Variants in RSU1 observed in about 807,000 individuals in gnomAD.
RSU1 encodes the protein Ras suppressor protein 1, also known as rsu-1.
Under a neutral mutation model 31.1 loss-of-function variants are expected in RSU1, and 26 were observed. The ratio of observed to expected loss-of-function variants is 0.84; its 90% CI spans 0.61 to 1.16. RSU1 has a LOEUF of 1.16. RSU1 is among the 50% of genes most tolerant of loss of function. The pLI is 0.00. For missense variants in RSU1, 320 were observed against 339.1 expected (o/e 0.94, Z 0.44); for synonymous variants, 164 against 136.3 (o/e 1.20, Z -1.41).
chr10:16,645,461 A>T (rs1163518516), intron 8 of RSU1, among the ~76,000 whole-genome samples: 1 of 152,186 alleles, frequency 6.6e-6, no homozygotes, highest in Non-Finnish European at 1.5e-5. Flanking sequence ...AATTTCTTTC[A>T]TGTATGCAAC....
At chr10:16,799,751 G>C (rs1042078432) in intron 2 of RSU1, among the ~76,000 whole-genome samples, 1 of 152,140 alleles carries the variant, frequency 6.6e-6, no homozygotes, top group Non-Finnish European at 1.5e-5. Context: ...GGCTACCTGG[G>C]ATTTACCAGA....
chr10:16,653,384 T>A (rs1175176173), intron 8 of RSU1, among the ~76,000 whole-genome samples: 1 of 152,184 alleles, frequency 6.6e-6, no homozygotes. Context: ...CACAAAACAA[T>A]ACTCTGTTGT....
At chr10:16,656,057 AAAT>A (rs1834771047) in intron 8 of RSU1, among the ~76,000 whole-genome samples, 1 of 152,222 alleles carries the variant, frequency 6.6e-6, no homozygotes, top group Admixed American at 6.5e-5. Context: ...TTTTTAGCCA[AAAT>A]AATAAATTAT....
chr10:16,610,058 T>C (rs1361940862), intron 8 of RSU1, among the ~76,000 whole-genome samples: 1 of 152,218 alleles, frequency 6.6e-6, no homozygotes, highest in East Asian at 1.9e-4. Flanking sequence ...AAAATATCAT[T>C]TCAACATGTC....
intron 7 of RSU1, among the ~76,000 whole-genome samples, chr10:16,737,901 T>A (rs1836663437): frequency 6.6e-6 from 1 of 152,116 alleles, no homozygotes; most frequent in African/African-American, 2.4e-5. Context: ...ATAAAACAAA[T>A]CAACAAATTG....
chr10:16,789,477 G>C (rs1010695248), intron 2 of RSU1, among the ~76,000 whole-genome samples: 1 of 152,220 alleles, frequency 6.6e-6, no homozygotes, highest in Non-Finnish European at 1.5e-5. Flanking sequence ...GTCAGGCAAA[G>C]ACCAAGTGGA....
intron 3 of RSU1, among the ~76,000 whole-genome samples, chr10:16,768,210 C>T (rs1037584742): frequency 6.6e-6 from 1 of 152,216 alleles, no homozygotes; most frequent in African/African-American, 2.4e-5. Context: ...TGCCCTCACT[C>T]AACTCATAAC....
intron 2 of RSU1, among the ~76,000 whole-genome samples, chr10:16,792,431 T>G (rs1368836817): frequency 1.3e-5 from 2 of 152,236 alleles, no homozygotes; most frequent in East Asian, 1.9e-4. Context: ...CGGGGTTTCA[T>G]TACGTCGGCC....
chr10:16,662,041 A>C (rs575394073), intron 8 of RSU1, among the ~76,000 whole-genome samples: 20 of 152,304 alleles, frequency 1.3e-4, no homozygotes, highest in South Asian at 8.3e-4. Flanking sequence ...CATGCACCCA[A>C]GAATTGGGCA....
intron 7 of RSU1, among the ~76,000 whole-genome samples, chr10:16,722,894 G>T (rs1836301924): frequency 7.0e-6 from 1 of 143,372 alleles, no homozygotes; most frequent in African/African-American, 2.6e-5. Flanking sequence ...ATACATATAT[G>T]TATATATACA....
chr10:16,661,758 C>T (rs1250461832), intron 8 of RSU1, among the ~76,000 whole-genome samples: 1 of 152,174 alleles, frequency 6.6e-6, no homozygotes. Flanking sequence ...AAACCCCAGG[C>T]CTAGTCATCT....
At chr10:16,816,702 G>A (rs1838540118) in intron 2 of RSU1, among the ~76,000 whole-genome samples, 2 of 152,196 alleles carry the variant, frequency 1.3e-5, no homozygotes, top group Admixed American at 6.5e-5. Context: ...AGCAAACTGT[G>A]GAAAATCCAC....
intron 2 of RSU1, among the ~76,000 whole-genome samples, chr10:16,796,538 C>T (rs1838037395): frequency 6.6e-6 from 1 of 152,206 alleles, no homozygotes; most frequent in South Asian, 2.1e-4. Context: ...CCCCTCTTAT[C>T]AGAGCTCCCA....
intron 8 of RSU1, among the ~76,000 whole-genome samples, chr10:16,638,542 G>A (rs1325283436): frequency 6.6e-6 from 1 of 152,144 alleles, no homozygotes; most frequent in East Asian, 1.9e-4. Flanking sequence ...ACAAGGACAG[G>A]GGCCCCAAGG....
At chr10:16,713,118 C>A (rs1836057218) in intron 7 of RSU1, among the ~76,000 whole-genome samples, 1 of 152,152 alleles carries the variant, frequency 6.6e-6, no homozygotes, top group Non-Finnish European at 1.5e-5. Context: ...TGATGTGACA[C>A]TGTTTTCTTG....
chr10:16,743,762 T>A (rs1489650044), intron 7 of RSU1, among the ~76,000 whole-genome samples: 1 of 152,194 alleles, frequency 6.6e-6, no homozygotes, highest in Non-Finnish European at 1.5e-5. Flanking sequence ...AAAAATTAAC[T>A]TTTTTATTAT....
chr10:16,792,730 C>G (rs560144591), intron 2 of RSU1, among the ~76,000 whole-genome samples: 3 of 152,300 alleles, frequency 2.0e-5, no homozygotes, highest in African/African-American at 7.2e-5. Context: ...GCAAATCATC[C>G]CAGAGTTCTA....
chr10:16,793,565 G>C (rs1347080070), intron 2 of RSU1, among the ~76,000 whole-genome samples: 1 of 151,922 alleles, frequency 6.6e-6, no homozygotes, highest in African/African-American at 2.4e-5. Context: ...TTTTGCTCCA[G>C]GAAAAAATAC....
At chr10:16,618,900 T>C (rs1834025188) in intron 8 of RSU1, among the ~76,000 whole-genome samples, 1 of 152,170 alleles carries the variant, frequency 6.6e-6, no homozygotes, top group African/African-American at 2.4e-5. Context: ...ACCTAGATGA[T>C]GGTTCATAGG....
Sources: gnomAD v4.1 joint callset for allele counts (sites outside exome capture counted in the v4.1 genomes callset) on GRCh38, gnomAD v4.1.1 for gene constraint, MANE v1.5 for transcripts, NCBI Gene and HGNC (gene_info 2026-07-23, HGNC 2026-07-21) for gene names.